Variants in NLRP1 observed in about 807,000 individuals in gnomAD.
NLRP1 encodes the protein NACHT, LRR and PYD domains-containing protein 1.
A neutral mutation model predicts 136.7 loss-of-function variants in NLRP1; 94 were observed. The ratio of observed to expected loss-of-function variants is 0.69; its 90% CI spans 0.58 to 0.82. NLRP1 has a LOEUF of 0.82. NLRP1 is among the 40% of genes least tolerant of loss of function. The pLI is 0.00. For synonymous variants in NLRP1, 690 were observed against 725.1 expected (o/e 0.95, Z 0.78); for missense variants, 1,575 against 1,802.7 (o/e 0.87, Z 2.29).
chr17:5,517,350 A>ACCCC (rs373758392), intron 15 of NLRP1, among the ~76,000 whole-genome samples: 6 of 47,380 alleles, frequency 1.3e-4, no homozygotes, highest in African/African-American at 3.3e-4. Flanking sequence ...TGCACTCTGC[A>ACCCC]CCCCCCCCCC....
chr17:5,559,506 T>C lies in NLRP1; in HGVS notation c.1190A>G (p.Gln397Arg). The C allele has an allele frequency of 6.2e-7, 1 of 1,614,196 alleles. No homozygotes were observed. The highest frequency in any genetic ancestry group is 8.5e-7 in the Non-Finnish European group (1 of 1,180,026). Residue 397 changes from glutamine (Q) to arginine (R), a missense_variant, in exon 4 of 17, where the codon CAG (glutamine) becomes CGG (arginine). Gln to Arg is a conservative substitution (Grantham distance 43, BLOSUM62 1). Coordinates refer to ENST00000572272, the MANE Select transcript of NLRP1 (RefSeq NM_033004.4). The part of the protein sequence containing the change: ...DGTATPAPIR[Q>R]ILSRPERLLF... The stretch of plus-strand genomic sequence containing the variant: ...CAGCCGCTCTGGCCTAGACAGGATC[T>C]GTCTAATGGGAGCCGGAGTGGCTGT...
intron 3 of NLRP1, among the ~76,000 whole-genome samples, chr17:5,561,744 C>T (rs1189710141): frequency 6.6e-6 from 1 of 152,074 alleles, no homozygotes; most frequent in African/African-American, 2.4e-5. Context: ...CGCCCGGCCC[C>T]ATGTGGTTTT....
chr17:5,562,731 A>C (rs562697526), intron 3 of NLRP1, among the ~76,000 whole-genome samples: 1 of 152,250 alleles, frequency 6.6e-6, no homozygotes, highest in East Asian at 1.9e-4. Context: ...ACTAAGGCAA[A>C]GGCTCCCACC....
At position 5,537,550 on chromosome 17, in the gene NLRP1, C is replaced by A. The variant is rs1911246314; in HGVS notation, c.2871-610G>T. Among the ~76,000 whole-genome samples, 1 of 152,128 alleles carries A rather than the reference C, an allele frequency of 6.6e-6. No individual in the cohort carries two copies. Among genetic ancestry groups the A allele is most frequent in the African/African-American group, 2.4e-5 (1 of 41,428 alleles). On this transcript the variant is annotated intron_variant, in intron 7 of 16. Transcript: ENST00000572272. The surrounding 1 kb of genome is among the most constrained non-coding windows in gnomAD (Gnocchi z 4.5). ...CTGGGTCTCTGTGTCCTCCATCTAC[C>A]ACGTAGGATGAATCAATCCTGCCCT...
intron 3 of NLRP1, among the ~76,000 whole-genome samples, chr17:5,568,240 T>C (rs1915528604): frequency 6.6e-6 from 1 of 152,038 alleles, no homozygotes; most frequent in African/African-American, 2.4e-5. Flanking sequence ...GTTTCATTGT[T>C]TTTTTTATTC....
chr17:5,545,687 T>C (rs918439704), intron 5 of NLRP1, among the ~76,000 whole-genome samples: 3 of 152,198 alleles, frequency 2.0e-5, no homozygotes, highest in Admixed American at 6.5e-5. Context: ...CTGCAGAGTG[T>C]GGCCCAAGAA....
chr17:5,562,213 C>A (rs965812871), intron 3 of NLRP1, among the ~76,000 whole-genome samples: 6 of 152,234 alleles, frequency 3.9e-5, no homozygotes, highest in Non-Finnish European at 8.8e-5. Flanking sequence ...TGGGAAGCAC[C>A]CAGACAGCTG....
chr17:5,545,337 G>GACACAC (rs55788409), intron 5 of NLRP1, among the ~76,000 whole-genome samples: 1 of 147,738 alleles, frequency 6.8e-6, no homozygotes, highest in Non-Finnish European at 1.5e-5. Context: ...CAGACACACA[G>GACACAC]ACACACACAC....
At chr17:5,575,104 A>G (rs1904878718) in intron 3 of NLRP1, among the ~76,000 whole-genome samples, 1 of 152,186 alleles carries the variant, frequency 6.6e-6, no homozygotes, top group African/African-American at 2.4e-5. Flanking sequence ...GGCCTGCCCT[A>G]AAAGAGTTCC....
intron 5 of NLRP1, among the ~76,000 whole-genome samples, chr17:5,543,982 G>T (rs939756471): frequency 1.3e-5 from 2 of 152,146 alleles, no homozygotes; most frequent in African/African-American, 4.8e-5. Flanking sequence ...TTCTAGATTG[G>T]GGGGGTTAAT....
chr17:5,547,273 AC>A (rs1912797987), intron 5 of NLRP1, among the ~76,000 whole-genome samples: 1 of 152,212 alleles, frequency 6.6e-6, no homozygotes, highest in Admixed American at 6.5e-5. Context: ...AACCCTAAAT[AC>A]ATAGCACACA....
rs1220980144 is a variant in NLRP1 at position 5,537,043 on chromosome 17, C to T, written c.2871-103G>A. On this transcript the variant is annotated intron_variant, in intron 7 of 16. Coordinates refer to ENST00000572272, the MANE Select transcript of NLRP1 (RefSeq NM_033004.4). This position sits in a 1 kb window ranked among gnomAD's most constrained non-coding sequence, Gnocchi z 4.5. ...ACCTGTCACCTTCTGAGGCAGCGGC[C>T]GCAGGGTGGGTTCCCTGGAAGCCAG... The T allele has an allele frequency of 2.3e-5, 18 of 776,590 alleles. No individual in the cohort carries two copies. The highest frequency in any genetic ancestry group is 8.0e-5 in the Admixed American group (4 of 50,128). 48.1% of individuals were successfully genotyped at this position (776,590 alleles called of 1,614,324 possible). A position where few individuals can be genotyped will look rare whatever the true frequency, so the allele number is the denominator to read the frequency against.
At chr17:5,533,683 G>GAGGGGA (rs1023275495) in intron 9 of NLRP1, among the ~76,000 whole-genome samples, 21 of 151,752 alleles carry the variant, frequency 1.4e-4, no homozygotes, top group Non-Finnish European at 4.4e-5. Flanking sequence ...ACGTTCTGGA[G>GAGGGGA]AGGGGAAGCA....
intron 12 of NLRP1, among the ~76,000 whole-genome samples, chr17:5,526,888 T>C (rs1396267382): frequency 6.6e-6 from 1 of 152,220 alleles, no homozygotes; most frequent in Non-Finnish European, 1.5e-5. Flanking sequence ...CTAGCTATAG[T>C]GGGAGAAAAC....
At chr17:5,522,810 G>A (rs1008413456) in intron 12 of NLRP1, among the ~76,000 whole-genome samples, 1 of 152,198 alleles carries the variant, frequency 6.6e-6, no homozygotes. Flanking sequence ...AGACCATTGA[G>A]TGATGCTGGA....
At chr17:5,545,155 C>T (rs1398551479) in intron 5 of NLRP1, among the ~76,000 whole-genome samples, 1 of 152,162 alleles carries the variant, frequency 6.6e-6, no homozygotes, top group African/African-American at 2.4e-5. Context: ...ATTAAACACA[C>T]ATCCTGGCAA....
intron 8 of NLRP1, among the ~76,000 whole-genome samples, chr17:5,535,112 C>G (rs1280020678): frequency 6.6e-6 from 1 of 152,050 alleles, no homozygotes; most frequent in Admixed American, 6.5e-5. Context: ...CCCAGCTACT[C>G]TGGAGGCTGA....
Position 5,553,514 on chromosome 17 carries a change from G to A in NLRP1, c.2400C>T (p.Leu800=), listed in dbSNP as rs200218955. 6.2e-7 allele frequency: 1 copy of A among 1,614,228 alleles called. No homozygotes were observed. Among genetic ancestry groups the A allele is most frequent in the Non-Finnish European group, 8.5e-7 (1 of 1,180,032 alleles). ...VPVTDAYWQI[L]FSVLKVTRNL... is the part of the protein sequence containing the mutation. The stretch of plus-strand genomic sequence containing the variant: ...TTCTGGTGACCTTGAGGACGGAGAA[G>A]AGAATCTGCCAATAGGCATCTGTGA... The change falls in exon 5 of 17, where the codon CTC becomes CTT. Residue 800 remains leucine, a synonymous_variant. Coordinates refer to ENST00000572272, the MANE Select transcript of NLRP1 (RefSeq NM_033004.4).
chr17:5,519,539 C>T (rs919732930), intron 14 of NLRP1, among the ~76,000 whole-genome samples: 7 of 151,482 alleles, frequency 4.6e-5, no homozygotes, highest in African/African-American at 1.7e-4. Flanking sequence ...CTCTGCCTCC[C>T]GGGTTCAAGC....
Sources: allele counts gnomAD v4.1 joint callset (sites outside exome capture counted in the v4.1 genomes callset), GRCh38; gene constraint gnomAD v4.1.1; non-coding constraint Gnocchi (gnomAD v3.1); transcripts MANE v1.5; gene names NCBI Gene and HGNC (gene_info 2026-07-23, HGNC 2026-07-21).